Variants in LVRN observed in about 807,000 individuals in gnomAD.
LVRN encodes the protein laeverin.
Under a neutral mutation model 111.4 loss-of-function variants are expected in LVRN, and 99 were observed. The observed-to-expected ratio is 0.89, with a 90% CI of 0.76 to 1.05. LVRN has a LOEUF of 1.05. Ranked by LOEUF, LVRN falls within the 50% of genes least tolerant of loss-of-function variation. The pLI is 0.00. For synonymous variants in LVRN, 488 were observed against 449.5 expected (o/e 1.09, Z -1.08); for missense variants, 1,414 against 1,206.8 (o/e 1.17, Z -2.54).
At chr5:115,989,791 A>G (rs1462235431) in intron 4 of LVRN, among the ~76,000 whole-genome samples, 1 of 152,196 alleles carries the variant, frequency 6.6e-6, no homozygotes, top group Non-Finnish European at 1.5e-5. Context: ...GAGGTACTCA[A>G]TGAAAACCTT....
intron 1 of LVRN, chr5:115,976,206 T>A (rs1233578949): frequency 6.6e-6 from 1 of 152,448 alleles, no homozygotes; most frequent in Non-Finnish European, 1.5e-5. Context: ...CCTCTGCCAG[T>A]CTCCTCTCTG....
intron 9 of LVRN, 36 bp from the exon 10 acceptor site, chr5:116,001,031 A>T (rs755504641): frequency 2.8e-5 from 43 of 1,560,238 alleles, no homozygotes; most frequent in Admixed American, 4.4e-5. Flanking sequence ...TTTCACGGAT[A>T]ACCTTACCTG....
chr5:115,981,891 A>G (rs1753567349), intron 1 of LVRN, among the ~76,000 whole-genome samples: 2 of 152,174 alleles, frequency 1.3e-5, no homozygotes, highest in South Asian at 4.1e-4. Flanking sequence ...TTATTGGTAA[A>G]TGTAATTACC....
At chr5:115,999,974 C>A (rs894116066) in intron 7 of LVRN, 72 bp downstream of exon 7, 2 of 1,456,724 alleles carry the variant, frequency 1.4e-6, no homozygotes, top group Admixed American at 2.3e-5. Flanking sequence ...TTCTAAGGGT[C>A]CTATATCATC....
At chr5:115,979,584 A>G (rs1753520292) in intron 1 of LVRN, among the ~76,000 whole-genome samples, 1 of 152,060 alleles carries the variant, frequency 6.6e-6, no homozygotes, top group African/African-American at 2.4e-5. Flanking sequence ...TCTTCATAAC[A>G]TGTTTTGGCA....
intron 2 of LVRN, among the ~76,000 whole-genome samples, chr5:115,983,916 C>T (rs997336559): frequency 6.6e-6 from 1 of 152,146 alleles, no homozygotes; most frequent in African/African-American, 2.4e-5. Flanking sequence ...TTGAGAAGAG[C>T]CTTTAAGTCT....
intron 6 of LVRN, among the ~76,000 whole-genome samples, chr5:115,996,947 T>C (rs895214944): frequency 6.6e-6 from 1 of 152,236 alleles, no homozygotes; most frequent in African/African-American, 2.4e-5. Context: ...TGCTAGGTAC[T>C]GTTGAGACAA....
intron 1 of LVRN, among the ~76,000 whole-genome samples, chr5:115,982,096 CAT>C (rs1753571717): frequency 6.6e-6 from 1 of 152,078 alleles, no homozygotes; most frequent in Non-Finnish European, 1.5e-5. Flanking sequence ...TGCCAGTAAG[CAT>C]ATAATAATGT....
intron 1 of LVRN, among the ~76,000 whole-genome samples, chr5:115,968,732 C>G (rs1753256748): frequency 6.6e-6 from 1 of 152,204 alleles, no homozygotes; most frequent in Non-Finnish European, 1.5e-5. Context: ...CTACCCTCCT[C>G]CTTCTGACGG....
chr5:116,022,018 A>C (rs1748740885), intron 18 of LVRN, among the ~76,000 whole-genome samples: 1 of 152,176 alleles, frequency 6.6e-6, no homozygotes, highest in African/African-American at 2.4e-5. Context: ...CAGTTCTGAA[A>C]TGGATCCTCT....
chr5:115,977,393 T>C (rs1753471410), intron 1 of LVRN, among the ~76,000 whole-genome samples: 1 of 152,186 alleles, frequency 6.6e-6, no homozygotes, highest in African/African-American at 2.4e-5. Context: ...CTTGTTTCTC[T>C]TCTCTTGAGG....
intron 1 of LVRN, among the ~76,000 whole-genome samples, chr5:115,963,964 G>A (rs1753146988): frequency 6.6e-6 from 1 of 152,114 alleles, no homozygotes. Flanking sequence ...GCCCCTCAAA[G>A]GTTGGTCCTT....
chr5:115,997,628 C>T (rs1341412923), intron 6 of LVRN, among the ~76,000 whole-genome samples: 1 of 151,414 alleles, frequency 6.6e-6, no homozygotes, highest in East Asian at 1.9e-4. Context: ...CACACCAGTG[C>T]ACTCCAGCCT....
At chr5:116,023,842 C>T (rs1040879418) in intron 19 of LVRN, among the ~76,000 whole-genome samples, 1 of 152,126 alleles carries the variant, frequency 6.6e-6, no homozygotes, top group South Asian at 2.1e-4. Context: ...TAACATGGCA[C>T]AAGCACATCA....
chr5:116,003,454 T>G, intron 12 of LVRN, 74 bp downstream of exon 12: 1 of 1,031,988 alleles, frequency 9.7e-7, no homozygotes, highest in South Asian at 2.6e-5. Flanking sequence ...AGTTGAACAT[T>G]CTGGTGGGAA....
At position 115,983,328 on chromosome 5, in the gene LVRN, A is replaced by G; in HGVS notation, c.737A>G (p.Tyr246Cys). 1 of 1,610,110 alleles carries G rather than the reference A, an allele frequency of 6.2e-7. No individual in the cohort carries two copies. The highest frequency in any genetic ancestry group is 1.1e-5 in the South Asian group (1 of 90,160). Residue 246 changes from tyrosine (Y) to cysteine (C), a missense_variant, in exon 2 of 20, where the codon TAT (tyrosine) becomes TGT (cysteine). Transcript: ENST00000357872. ...ASQLEPTFAR[Y>C]VFPCFDEPAL... ...CAGCTGGAACCAACATTTGCCAGGT[A>G]TGTTTTCCCTTGTTTTGATGAGCCA...
At chr5:115,963,476 A>G (rs748487435) in intron 1 of LVRN, among the ~76,000 whole-genome samples, 164 bp downstream of exon 1, 14 of 152,104 alleles carry the variant, frequency 9.2e-5, no homozygotes, top group Non-Finnish European at 1.5e-4. Flanking sequence ...ATTTTATTAT[A>G]CTTTAAGTTC....
intron 12 of LVRN, among the ~76,000 whole-genome samples, chr5:116,003,667 C>T (rs1186765271): frequency 5.3e-5 from 8 of 151,356 alleles, no homozygotes; most frequent in East Asian, 3.9e-4. Flanking sequence ...CTGCAAGCTC[C>T]GCCTCCCGGG....
At chr5:115,990,267 A>C (rs963219581) in intron 4 of LVRN, among the ~76,000 whole-genome samples, 3 of 152,194 alleles carry the variant, frequency 2.0e-5, no homozygotes, top group African/African-American at 7.2e-5. Flanking sequence ...TGTAGGCTAT[A>C]TGCCAGATTT....
Sources: gnomAD v4.1 joint callset for allele counts (sites outside exome capture counted in the v4.1 genomes callset) on GRCh38, gnomAD v4.1.1 for gene constraint, MANE v1.5 for transcripts, NCBI Gene and HGNC (gene_info 2026-07-23, HGNC 2026-07-21) for gene names.